PRKN: variants seen among roughly 807,000 people sequenced by gnomAD.
PRKN encodes the protein parkin RBR E3 ubiquitin protein ligase, also known as E3 ubiquitin-protein ligase parkin.
In PRKN, 56 loss-of-function variants were observed where a neutral mutation model predicts 59.5. The observed-to-expected ratio is 0.94, with a 90% CI of 0.76 to 1.18. The LOEUF (loss-of-function observed/expected upper bound fraction) is 1.18. Among genes scored for constraint, PRKN ranks in the 50% most tolerant of loss-of-function variants. The probability of loss-of-function intolerance (pLI) is 0.00; values close to 1 mark genes in which losing one functional copy is unlikely to be tolerated. For synonymous variants in PRKN, 250 were observed against 222.1 expected (o/e 1.13, Z -1.12); for missense variants, 657 against 596.4 (o/e 1.10, Z -1.06).
chr6:161,741,493 T>C (rs1410065081), intron 7 of PRKN, among the ~76,000 whole-genome samples: 1 of 152,124 alleles, frequency 6.6e-6, no homozygotes, highest in Non-Finnish European at 1.5e-5. Flanking sequence ...CTGGGGATAG[T>C]GTCTGTGTGC....
In PRKN at chr6:162,657,096, A is replaced by G. The variant is rs188349072; in HGVS notation, c.7+70566T>C. Among the ~76,000 whole-genome samples the G allele has an allele frequency of 4.6e-5, 7 of 152,340 alleles. No individual in the cohort carries two copies. In the East Asian group the frequency reaches 1.4e-3, roughly 29 times the overall value. Reference sequence around the variant, plus strand: ...GTGGGCTTGTTCATATTATATGAACACCACCTAGTACATGGCCTAGCAATG... The same window carrying G: ...GTGGGCTTGTTCATATTATATGAACGCCACCTAGTACATGGCCTAGCAATG... On this transcript the variant is annotated intron_variant, in intron 1 of 11. Coordinates refer to ENST00000366898, the MANE Select transcript of PRKN (RefSeq NM_004562.3).
intron 7 of PRKN, among the ~76,000 whole-genome samples, chr6:161,768,077 GTT>G (rs11366170): frequency 2.5e-4 from 37 of 149,098 alleles, no homozygotes; most frequent in East Asian, 3.9e-4. Flanking sequence ...GTCTAATTAA[GTT>G]TTTTTTTTTT....
intron 2 of PRKN, among the ~76,000 whole-genome samples, chr6:162,268,983 T>C (rs188158820): frequency 3.7e-4 from 55 of 147,224 alleles, no homozygotes; most frequent in African/African-American, 1.3e-3. Flanking sequence ...TCCAGTGTGA[T>C]TTTAAAGAGG....
intron 10 of PRKN, among the ~76,000 whole-genome samples, chr6:161,382,559 T>C (rs181161219): frequency 6.6e-6 from 1 of 152,248 alleles, no homozygotes; most frequent in East Asian, 1.9e-4. Flanking sequence ...CAAGAGCAAG[T>C]GTGTAGTTAT....
At chr6:162,161,719 T>C (rs939664497) in intron 4 of PRKN, among the ~76,000 whole-genome samples, 1 of 152,112 alleles carries the variant, frequency 6.6e-6, no homozygotes. Context: ...TAACACTACG[T>C]CACAATGCCT....
At chr6:162,523,997 C>A (rs1426899928) in intron 1 of PRKN, among the ~76,000 whole-genome samples, 1 of 151,996 alleles carries the variant, frequency 6.6e-6, no homozygotes, top group East Asian at 1.9e-4. Flanking sequence ...TTGCTGGTGA[C>A]CTTGGAGAAG....
chr6:161,646,257 C>T lies in PRKN; in HGVS notation c.872-76841G>A, dbSNP rs1436467600. Among the ~76,000 whole-genome samples the T allele has an allele frequency of 4.9e-4, 29 of 59,516 alleles. 1 individual carries two copies. The highest frequency in any genetic ancestry group is 7.2e-4 in the Non-Finnish European group (22 of 30,712). 39.0% of individuals were successfully genotyped at this position (59,516 alleles called of 152,430 possible). A position where few individuals can be genotyped will look rare whatever the true frequency, so the allele number is the denominator to read the frequency against. On this transcript the variant is annotated intron_variant, in intron 7 of 11. Coordinates refer to ENST00000366898, the MANE Select transcript of PRKN (RefSeq NM_004562.3). ...TGTGCGTGCGTGGCGGAGGAGGTGG[C>T]GTATCAGTGACAGTGGTGACTGCGT...
chr6:161,897,960 C>A (rs569564299), intron 6 of PRKN, among the ~76,000 whole-genome samples: 1 of 21,704 alleles, frequency 4.6e-5, no homozygotes, highest in Non-Finnish European at 7.9e-5. Flanking sequence ...GAGCGAGACT[C>A]CGTCTCAAAA....
chr6:162,568,965 G>A, intron 1 of PRKN: 2 of 669,756 alleles, frequency 3.0e-6, no homozygotes, highest in Non-Finnish European at 5.4e-6. Context: ...AGGGCTGGCT[G>A]ACGAGATCAA....
At chr6:162,702,120 T>G (rs1485471590) in intron 1 of PRKN, among the ~76,000 whole-genome samples, 1 of 152,130 alleles carries the variant, frequency 6.6e-6, no homozygotes. Context: ...TCTACAAGAT[T>G]AAATTAGGAG....
chr6:162,721,953 G>GA (rs146205584), intron 1 of PRKN, among the ~76,000 whole-genome samples: 91 of 152,242 alleles, frequency 6.0e-4, no homozygotes, highest in African/African-American at 2.0e-3. Context: ...AAAGAAACAT[G>GA]AAAAATCACG....
intron 1 of PRKN, among the ~76,000 whole-genome samples, chr6:162,503,961 T>A (rs1208390074): frequency 6.6e-6 from 1 of 152,224 alleles, no homozygotes; most frequent in African/African-American, 2.4e-5. Context: ...CACATCAGAA[T>A]TTTTTAAGAA....
chr6:162,419,700 G>T (rs1788850176), intron 2 of PRKN, among the ~76,000 whole-genome samples: 1 of 152,006 alleles, frequency 6.6e-6, no homozygotes, highest in Admixed American at 6.6e-5. Flanking sequence ...TTTGGTATTT[G>T]AAATATTCTC....
chr6:162,555,655 C>G (rs755565147), intron 1 of PRKN, among the ~76,000 whole-genome samples: 1 of 151,878 alleles, frequency 6.6e-6, no homozygotes, highest in Non-Finnish European at 1.5e-5. Flanking sequence ...ATTTAAGTTT[C>G]ATCTATAAAT....
intron 7 of PRKN, among the ~76,000 whole-genome samples, chr6:161,761,913 TG>T (rs1562663766): frequency 6.6e-6 from 1 of 152,208 alleles, no homozygotes; most frequent in East Asian, 1.9e-4. Flanking sequence ...GATTCCAGAA[TG>T]GAACAGGACA....
In PRKN at chr6:161,696,820, T is replaced by C. The variant is rs142804559; in HGVS notation, c.871+88952A>G. 2.6e-4 allele frequency among the ~76,000 whole-genome samples: 39 copies of C among 152,342 alleles called. No individual in the cohort carries two copies. In the South Asian group the frequency reaches 7.7e-3, roughly 30 times the overall value. On this transcript the variant is annotated intron_variant, in intron 7 of 11. Coordinates refer to ENST00000366898, the MANE Select transcript of PRKN (RefSeq NM_004562.3). ...ATGCACTACTACTTTGTGATTTTAT[T>C]GTAAAAAATGATATTTGCATGCTCA...
intron 1 of PRKN, among the ~76,000 whole-genome samples, chr6:162,520,351 T>C (rs1778036912): frequency 6.6e-6 from 1 of 152,214 alleles, no homozygotes; most frequent in African/African-American, 2.4e-5. Flanking sequence ...CTAAGCATTG[T>C]AAATGGTGAC....
intron 1 of PRKN, among the ~76,000 whole-genome samples, chr6:162,704,162 G>C (rs916378850): frequency 4.6e-5 from 7 of 152,172 alleles, no homozygotes; most frequent in African/African-American, 1.7e-4. Flanking sequence ...TAACACAATA[G>C]CTGGAGCTGG....
chr6:161,662,306 G>A (rs139615779), intron 7 of PRKN, among the ~76,000 whole-genome samples: 194 of 152,308 alleles, frequency 1.3e-3, no homozygotes, highest in African/African-American at 3.8e-3. Context: ...TGCCTCCACC[G>A]AGGAGGGCGT....
Sources: allele counts gnomAD v4.1 joint callset (sites outside exome capture counted in the v4.1 genomes callset), GRCh38; gene constraint gnomAD v4.1.1; transcripts MANE v1.5; gene names NCBI Gene and HGNC (gene_info 2026-07-23, HGNC 2026-07-21).